Variants in SAMD5 observed in about 807,000 individuals in gnomAD.
The protein encoded by SAMD5 is sterile alpha motif domain-containing protein 5.
A neutral mutation model predicts 11.3 loss-of-function variants in SAMD5; 13 were observed. The ratio of observed to expected loss-of-function variants is 1.15; its 90% CI spans 0.75 to 1.83. The LOEUF (loss-of-function observed/expected upper bound fraction) is 1.83. Ranked by LOEUF, SAMD5 falls within the 40% of genes most tolerant of loss-of-function variation. SAMD5 has a pLI of 0.00. For missense variants in SAMD5, 255 were observed against 239.1 expected, an observed-to-expected ratio of 1.07 and a Z score of -0.44; for synonymous variants, 129 against 111.3, an observed-to-expected ratio of 1.16 and a Z score of -1.00.
chr6:147,644,071 A>G (rs1392745086), intron 1 of SAMD5, among the ~76,000 whole-genome samples: 2 of 152,156 alleles, frequency 1.3e-5, no homozygotes, highest in African/African-American at 4.8e-5. Flanking sequence ...TCATTGCATG[A>G]TGAATGTTTG....
At chr6:147,715,701 A>G (rs1791456621) in intron 1 of SAMD5, among the ~76,000 whole-genome samples, 2 of 152,326 alleles carry the variant, frequency 1.3e-5, no homozygotes, top group Non-Finnish European at 2.9e-5. Flanking sequence ...TATGTGGATA[A>G]GTGGAGAGTG....
intron 1 of SAMD5, among the ~76,000 whole-genome samples, chr6:147,661,833 G>A (rs900132759): frequency 6.6e-6 from 1 of 152,144 alleles, no homozygotes; most frequent in African/African-American, 2.4e-5. Flanking sequence ...GTTTCACTAT[G>A]TTGGCCAGGC....
At chr6:147,631,548 C>A (rs578145622) in intron 1 of SAMD5, among the ~76,000 whole-genome samples, 13 of 152,072 alleles carry the variant, frequency 8.5e-5, no homozygotes, top group African/African-American at 3.1e-4. Flanking sequence ...GGTGATTTGA[C>A]TAGTAAAGGC....
intron 1 of SAMD5, among the ~76,000 whole-genome samples, chr6:147,670,620 T>G (rs1439379692): frequency 6.6e-6 from 1 of 152,236 alleles, no homozygotes; most frequent in Non-Finnish European, 1.5e-5. Context: ...GGTGATGGCT[T>G]CTTTTCTTAA....
At chr6:147,690,346 A>T (rs979737251) in intron 1 of SAMD5, among the ~76,000 whole-genome samples, 66 of 152,334 alleles carry the variant, frequency 4.3e-4, no homozygotes, top group African/African-American at 1.5e-3. Flanking sequence ...GTTTAAAAAA[A>T]TTTTAATATA....
At chr6:147,910,673 A>C in the SAMD5 span, among the ~76,000 whole-genome samples, 110 of 152,354 alleles carry the variant, frequency 7.2e-4, no homozygotes, top group Non-Finnish European at 1.5e-3. Context: ...TCAGACTTTT[A>C]CACAATACGG....
intron 1 of SAMD5, among the ~76,000 whole-genome samples, chr6:147,599,694 T>C (rs1484632147): frequency 6.6e-6 from 1 of 152,220 alleles, no homozygotes. Flanking sequence ...TTCATATTTC[T>C]GTTCCATTTC....
chr6:147,877,904 T>C, the SAMD5 span, among the ~76,000 whole-genome samples: 9 of 20,580 alleles, frequency 4.4e-4, no homozygotes, highest in African/African-American at 2.4e-3. Context: ...GCTAGATAGA[T>C]AGATAGCTAG....
At chr6:147,816,635 A>G in the SAMD5 span, among the ~76,000 whole-genome samples, 3 of 152,124 alleles carry the variant, frequency 2.0e-5, no homozygotes, top group African/African-American at 7.2e-5. Flanking sequence ...TTGCAAAACT[A>G]TACAATGAAG....
In SAMD5 at chr6:147,509,116, G is replaced by A. The variant is rs770951623; in HGVS notation, c.188G>A (p.Arg63Gln). 1.9e-6 allele frequency: 3 copies of A among 1,581,130 alleles called. No homozygotes were observed. Among genetic ancestry groups the A allele is most frequent in the African/African-American group, 1.4e-5 (1 of 72,890 alleles). ...ATCCTGGAGGCCGTGCGCCGGCTGC[G>A]GGAGCAGGACGCCAACGCCGCCGGC... The part of the protein sequence containing the change: ...RRILEAVRRL[R>Q]EQDANAAGLY... The change falls in exon 1 of 2, where the codon CGG becomes CAG. Residue 63 changes from arginine (R) to glutamine (Q), a missense_variant. Transcript: ENST00000367474.
intron 1 of SAMD5, among the ~76,000 whole-genome samples, chr6:147,531,338 G>A (rs1327644518): frequency 6.6e-6 from 1 of 152,194 alleles, no homozygotes; most frequent in African/African-American, 2.4e-5. Context: ...TATGTAAATT[G>A]TAGAACTGAT....
the SAMD5 span, among the ~76,000 whole-genome samples, chr6:147,814,276 A>G: frequency 1.3e-5 from 2 of 152,248 alleles, no homozygotes; most frequent in African/African-American, 4.8e-5. Context: ...TTGAATGAAA[A>G]GACATAAATA....
At chr6:147,849,945 A>G in the SAMD5 span, among the ~76,000 whole-genome samples, 7 of 152,236 alleles carry the variant, frequency 4.6e-5, no homozygotes, top group Non-Finnish European at 7.3e-5. Context: ...GATAAGAGTG[A>G]CATACTTTTG....
the SAMD5 span, among the ~76,000 whole-genome samples, chr6:147,920,939 C>T: frequency 6.6e-6 from 1 of 152,142 alleles, no homozygotes. Flanking sequence ...TGTGTTTTCA[C>T]CTCTGTTACA....
chr6:147,594,221 G>T (rs1789496359), intron 1 of SAMD5, among the ~76,000 whole-genome samples: 1 of 152,150 alleles, frequency 6.6e-6, no homozygotes, highest in African/African-American at 2.4e-5. Flanking sequence ...TTTGTGAATT[G>T]TCAATAGCTG....
the SAMD5 span, among the ~76,000 whole-genome samples, chr6:147,886,756 C>T: frequency 1.9e-4 from 29 of 152,090 alleles, no homozygotes; most frequent in East Asian, 1.2e-3. Flanking sequence ...TCTCTGGAGG[C>T]GACTACTGGT....
chr6:147,569,717 A>G lies in SAMD5; in HGVS notation c.*5261A>G. 1 of 985,386 alleles carries G rather than the reference A, an allele frequency of 1.0e-6. No individual in the cohort carries two copies. Among genetic ancestry groups the G allele is most frequent in the Non-Finnish European group, 1.2e-6 (1 of 829,868 alleles). The allele number at this position is 985,386 out of a possible 1,614,324, so 61.0% of individuals were successfully genotyped here. A position where few individuals can be genotyped will look rare whatever the true frequency, so the allele number is the denominator to read the frequency against. On this transcript the variant is annotated 3_prime_UTR_variant, in exon 2 of 2. Coordinates refer to ENST00000367474, the MANE Select transcript of SAMD5 (RefSeq NM_001030060.3). Reference sequence around the variant, plus strand: ...TACTATTCGGGTTGCTAAAGCCATTATTCATAGAAAATTTCTGCCCCTACA... The same window carrying G: ...TACTATTCGGGTTGCTAAAGCCATTGTTCATAGAAAATTTCTGCCCCTACA...
chr6:147,852,516 C>A, the SAMD5 span, among the ~76,000 whole-genome samples: 1,663 of 151,996 alleles, frequency 0.011, 25 homozygotes, highest in African/African-American at 0.039. Flanking sequence ...AATTTTCTAT[C>A]TAAAAAAAAG....
chr6:147,737,241 C>T (rs887469223), intron 1 of SAMD5: 3 of 843,600 alleles, frequency 3.6e-6, no homozygotes, highest in East Asian at 6.9e-5. Context: ...TTCAGTTCCC[C>T]CTTCACCGTG....
Sources: gnomAD v4.1 joint callset for allele counts (sites outside exome capture counted in the v4.1 genomes callset) on GRCh38, gnomAD v4.1.1 for gene constraint, MANE v1.5 for transcripts, NCBI Gene and HGNC (gene_info 2026-07-23, HGNC 2026-07-21) for gene names.